The following PATL1 variants were observed in gnomAD, a reference collection of about 807,000 sequenced individuals.
The protein encoded by PATL1 is protein PAT1 homolog 1.
PATL1 carries 32 observed loss-of-function variants against 100.6 expected under a neutral mutation model. The observed-to-expected ratio is 0.32, with a 90% CI of 0.24 to 0.43. PATL1 has a LOEUF of 0.43. PATL1 is among the 20% of genes least tolerant of loss of function. PATL1 has a pLI of 1.00. For missense variants in PATL1, 747 were observed against 949.9 expected (o/e 0.79, Z 2.81); for synonymous variants, 332 against 330.0 (o/e 1.01, Z -0.07).
At chr11:59,646,298 G>A (rs924082297) in intron 15 of PATL1, among the ~76,000 whole-genome samples, 14 of 56,646 alleles carry the variant, frequency 2.5e-4, no homozygotes, top group African/African-American at 8.5e-4. Context: ...TTTTTTTTTT[G>A]AGTAGCTGGG....
chr11:59,651,755 C>T (rs1459769677), intron 11 of PATL1, 114 bp from the exon 12 acceptor site: 6 of 694,364 alleles, frequency 8.6e-6, no homozygotes, highest in Non-Finnish European at 1.5e-5. Flanking sequence ...AGTCTAATAA[C>T]TTACTGCAAA....
intron 16 of PATL1, chr11:59,639,667 G>T (rs1319919687): frequency 1.2e-5 from 3 of 253,694 alleles, no homozygotes; most frequent in South Asian, 1.1e-4. Flanking sequence ...GTTAAAAGAT[G>T]GTTTTTCCTT....
intron 2 of PATL1, among the ~76,000 whole-genome samples, chr11:59,664,594 A>C (rs1861663361): frequency 6.6e-6 from 1 of 152,212 alleles, no homozygotes; most frequent in African/African-American, 2.4e-5. Flanking sequence ...AACTTTTTAG[A>C]GACAAGGTCT....
intron 15 of PATL1, among the ~76,000 whole-genome samples, chr11:59,643,687 C>T (rs935452872): frequency 1.3e-5 from 2 of 151,988 alleles, no homozygotes; most frequent in Non-Finnish European, 2.9e-5. Context: ...GTGAGACCCA[C>T]CCTGTCTCAA....
chr11:59,658,906 G>A lies in PATL1; in HGVS notation c.386C>T (p.Ser129Phe). The A allele has an allele frequency of 1.9e-6, 3 of 1,550,282 alleles. No homozygotes were observed. The highest frequency in any genetic ancestry group is 2.6e-6 in the Non-Finnish European group (3 of 1,146,708). The change falls in exon 4 of 19, where the codon TCT becomes TTT. Residue 129 changes from serine (S) to phenylalanine (F), a missense_variant. Ser to Phe is a radical substitution (Grantham distance 155). This residue lies in a region of PATL1 where 183 missense variants were observed against 221.2 expected (regional missense o/e 0.83). Transcript: ENST00000300146. Reference protein sequence around the residue: ...GSLNSSIWDGSEVLRRIRGPL... With the variant: ...GSLNSSIWDGFEVLRRIRGPL... The stretch of plus-strand genomic sequence containing the variant: ...TCCTCGGATTCGCCTCAGAACTTCA[G>A]ATCCATCCCAGATACTGGAATTCAG...
intron 2 of PATL1, among the ~76,000 whole-genome samples, chr11:59,661,260 A>T (rs1861621363): frequency 6.6e-6 from 1 of 151,958 alleles, no homozygotes; most frequent in African/African-American, 2.4e-5. Context: ...TAATTTTTAT[A>T]TTTTTTGTAG....
chr11:59,666,500 T>C (rs1255558713), intron 2 of PATL1, among the ~76,000 whole-genome samples: 1 of 152,202 alleles, frequency 6.6e-6, no homozygotes, highest in African/African-American at 2.4e-5. Context: ...AAGTTATATG[T>C]TATACAAATA....
intron 11 of PATL1, among the ~76,000 whole-genome samples, 151 bp from the exon 12 acceptor site, chr11:59,651,792 T>G (rs1017265581): frequency 6.6e-6 from 1 of 151,904 alleles, no homozygotes; most frequent in African/African-American, 2.4e-5. Flanking sequence ...AGGCCGGGTG[T>G]GGTAACTCAC....
chr11:59,654,258 C>A (rs776194532), intron 8 of PATL1, among the ~76,000 whole-genome samples, 186 bp from the exon 9 acceptor site: 2 of 152,098 alleles, frequency 1.3e-5, no homozygotes, highest in Non-Finnish European at 2.9e-5. Flanking sequence ...AGGTGGAACA[C>A]TTGAGGTCAG....
chr11:59,645,364 G>C (rs1044709424), intron 15 of PATL1, among the ~76,000 whole-genome samples: 6 of 142,936 alleles, frequency 4.2e-5, no homozygotes, highest in Non-Finnish European at 7.6e-5. Flanking sequence ...CGGCCAGGCA[G>C]AGGTGCCCCT....
chr11:59,638,229 C>G lies in PATL1; in HGVS notation c.*161G>C. On this transcript the variant is annotated 3_prime_UTR_variant, in exon 19 of 19. Transcript: ENST00000300146. ...ATTTCATAGAGCAGTGGGGAAATAT[C>G]TGACATTTAGAGAGACAACCCCTGT... is the stretch of plus-strand genomic sequence containing the variant. 2.9e-6 allele frequency: 2 copies of G among 693,572 alleles called. No individual in the cohort carries two copies. Among genetic ancestry groups the G allele is most frequent in the Non-Finnish European group, 4.9e-6 (2 of 405,540 alleles). The allele number at this position is 693,572 out of a possible 1,614,324, so 43.0% of individuals were successfully genotyped here. A position where few individuals can be genotyped will look rare whatever the true frequency, so the allele number is the denominator to read the frequency against.
At chr11:59,653,260 T>C (rs1248086313) in intron 9 of PATL1, among the ~76,000 whole-genome samples, 3 of 152,198 alleles carry the variant, frequency 2.0e-5, no homozygotes, top group African/African-American at 7.2e-5. Flanking sequence ...TATTCACCTA[T>C]GGACTTTTGT....
rs368797514 is a variant in PATL1 at position 59,648,261 on chromosome 11, T to A, written c.1734-348A>T. On this transcript the variant is annotated intron_variant, in intron 14 of 18. Coordinates refer to ENST00000300146, the MANE Select transcript of PATL1 (RefSeq NM_152716.3). ...AGTGCAGTGGCGCTATCTTGGTTCA[T>A]TGCAGCCTCCACCTCCTGGGTTCAA... 4.7e-5 allele frequency among the ~76,000 whole-genome samples: 7 copies of A among 150,416 alleles called. No homozygotes were observed. The East Asian group carries it at 9.7e-4, about 21-fold the overall frequency.
chr11:59,658,227 T>C (rs906829540), intron 4 of PATL1, among the ~76,000 whole-genome samples: 8 of 151,720 alleles, frequency 5.3e-5, no homozygotes, highest in African/African-American at 1.9e-4. Context: ...GAAATTCCAT[T>C]GTATTGTTCC....
chr11:59,661,913 C>T (rs2134759879), intron 2 of PATL1, among the ~76,000 whole-genome samples: 1 of 152,292 alleles, frequency 6.6e-6, no homozygotes, highest in Admixed American at 6.5e-5. Flanking sequence ...TTATCCCCTA[C>T]TGGTAAACAT....
rs1411734211 is a variant in PATL1 at position 59,642,954 on chromosome 11, G to C, written c.1975C>G (p.Leu659Val). ...SVSITSLLRQ[L>V]MNLPQSAATP... ...GCTGCACTTTGAGGTAGGTTCATTA[G>C]CTGTCGCAAAAGGCTGGTGATACTC... is the stretch of plus-strand genomic sequence containing the variant. The change falls in exon 16 of 19, where the codon CTA becomes GTA. Residue 659 changes from leucine to valine, a missense_variant. Physicochemically the swap from Leu to Val is conservative, Grantham distance 32. Around this residue, in one of 4 missense-constraint regions of PATL1, gnomAD observed 434 missense variants for 596.1 expected, o/e 0.73. Coordinates refer to ENST00000300146, the MANE Select transcript of PATL1 (RefSeq NM_152716.3). 1.2e-6 allele frequency: 2 copies of C among 1,613,966 alleles called. No homozygotes were observed. The highest frequency in any genetic ancestry group is 1.1e-5 in the South Asian group (1 of 91,080).
intron 2 of PATL1, among the ~76,000 whole-genome samples, chr11:59,665,027 T>A (rs958019829): frequency 6.6e-6 from 1 of 152,218 alleles, no homozygotes; most frequent in Non-Finnish European, 1.5e-5. Flanking sequence ...TCCTGGACAA[T>A]CTCATCTCCT....
At chr11:59,658,789 A>G (rs1861580974) in intron 4 of PATL1, 77 bp downstream of exon 4, 1 of 1,097,692 alleles carries the variant, frequency 9.1e-7, no homozygotes, top group African/African-American at 1.6e-5. Flanking sequence ...AAACCCCTTC[A>G]GTAAGGAAAG....
At chr11:59,639,026 A>C in intron 18 of PATL1, 22 bp downstream of exon 18, 1 of 1,610,044 alleles carries the variant, frequency 6.2e-7, no homozygotes, top group Non-Finnish European at 8.5e-7. Context: ...TGAGATGTGA[A>C]ACTCTCCTGT....
Sources: gnomAD v4.1 joint callset for allele counts (sites outside exome capture counted in the v4.1 genomes callset) on GRCh38, gnomAD v4.1.1 for gene constraint, gnomAD v4.1.1 regional missense constraint, MANE v1.5 for transcripts, NCBI Gene and HGNC (gene_info 2026-07-23, HGNC 2026-07-21) for gene names.